Variants in SPIDR observed in about 807,000 individuals in gnomAD.
SPIDR encodes DNA repair-scaffolding protein.
A neutral mutation model predicts 104.6 loss-of-function variants in SPIDR; 93 were observed. That is an observed-to-expected ratio of 0.89 (90% CI 0.75 to 1.06). SPIDR has a LOEUF of 1.06. Among genes scored for constraint, SPIDR ranks in the 50% least tolerant of loss-of-function variants. The pLI, the probability that SPIDR is intolerant of heterozygous loss-of-function variation, is 0.00. For synonymous variants in SPIDR, 431 were observed against 416.9 expected (o/e 1.03, Z -0.41); for missense variants, 1,154 against 1,111.2 (o/e 1.04, Z -0.55).
chr8:47,599,150 G>C lies in SPIDR; in HGVS notation c.1498G>C (p.Gly500Arg). ...TCTTCCCAGCAGAGACAGCACCAGG[G>C]GTCAGCAGGGGGCCAGCTCAGGACA... ...YSLPSRDSTR[G>R]QQGASSGHTD... Residue 500 changes from glycine to arginine, a missense_variant, in exon 10 of 20, where the codon GGT becomes CGT. Physicochemically the swap from Gly to Arg is moderately radical, Grantham distance 125 (BLOSUM62 -2). Transcript: ENST00000297423. 6.2e-7 allele frequency: 1 copy of C among 1,613,754 alleles called. No homozygotes were observed. Among genetic ancestry groups the C allele is most frequent in the Non-Finnish European group, 8.5e-7 (1 of 1,179,920 alleles).
At chr8:47,437,757 G>A (rs2068635839) in intron 7 of SPIDR, among the ~76,000 whole-genome samples, 1 of 152,050 alleles carries the variant, frequency 6.6e-6, no homozygotes, top group Non-Finnish European at 1.5e-5. Context: ...TGGAGAGGAT[G>A]TGGAGAAATA....
At chr8:47,672,774 TTG>T in intron 10 of SPIDR, among the ~76,000 whole-genome samples, 1 of 152,348 alleles carries the variant, frequency 6.6e-6, no homozygotes, top group East Asian at 1.9e-4. Flanking sequence ...GTTTGTTTCT[TTG>T]TGTTTGATTT....
Position 47,436,166 on chromosome 8 carries a change from G to A in SPIDR, c.878-4157G>A, listed in dbSNP as rs1389848475. On this transcript the variant is annotated intron_variant, in intron 7 of 19. Transcript: ENST00000297423. ...TGCACCTGTGATTGTAGTGCTCTTG[G>A]GGTAGCCGCTACTGTGTCCATTTAA... Among the ~76,000 whole-genome samples, 5 of 152,134 alleles carry A rather than the reference G, an allele frequency of 3.3e-5. No homozygotes were observed. In the East Asian group the frequency reaches 9.6e-4, roughly 29 times the overall value.
At chr8:47,582,149 A>G (rs538337178) in intron 8 of SPIDR, among the ~76,000 whole-genome samples, 15 of 151,626 alleles carry the variant, frequency 9.9e-5, no homozygotes, top group African/African-American at 3.1e-4. Flanking sequence ...CCTGGGAGGC[A>G]TAGGTTGCGG....
chr8:47,519,174 C>G (rs945252026), intron 8 of SPIDR, among the ~76,000 whole-genome samples: 2 of 151,042 alleles, frequency 1.3e-5, no homozygotes, highest in African/African-American at 4.9e-5. Context: ...GACAGAGTTT[C>G]GCTCTTGTTG....
At chr8:47,559,305 T>C (rs2056771319) in intron 8 of SPIDR, among the ~76,000 whole-genome samples, 1 of 152,232 alleles carries the variant, frequency 6.6e-6, no homozygotes, top group Non-Finnish European at 1.5e-5. Flanking sequence ...CATTTAACCA[T>C]CCATAAGTAT....
At chr8:47,522,172 CAAA>C (rs781613495) in intron 8 of SPIDR, among the ~76,000 whole-genome samples, 3 of 65,604 alleles carry the variant, frequency 4.6e-5, no homozygotes, top group Non-Finnish European at 3.0e-5. Flanking sequence ...GAGTCTGTCT[CAAA>C]AAAAAAAAAA....
Position 47,396,644 on chromosome 8 carries a change from TA to T in SPIDR, c.776+21del. ...CTTTTAAGGTTAAATTATACCCTTTTAAATACTCTTTTTAAATTTTTCTCTT... is the reference window on the plus strand; with the variant it reads ...CTTTTAAGGTTAAATTATACCCTTTTAATACTCTTTTTAAATTTTTCTCTT... On this transcript the variant is annotated intron_variant, in intron 6 of 19. Coordinates refer to ENST00000297423, the MANE Select transcript of SPIDR (RefSeq NM_001080394.4). 6.4e-7 allele frequency: 1 copy of T among 1,561,792 alleles called. No homozygotes were observed. The highest frequency in any genetic ancestry group is 8.6e-7 in the Non-Finnish European group (1 of 1,158,954).
intron 6 of SPIDR, among the ~76,000 whole-genome samples, chr8:47,402,757 C>T (rs782276661): frequency 6.6e-6 from 1 of 152,128 alleles, no homozygotes; most frequent in African/African-American, 2.4e-5. Flanking sequence ...GATTCACAGC[C>T]GAATTCTACC....
intron 5 of SPIDR, among the ~76,000 whole-genome samples, chr8:47,355,270 G>A (rs1284122922): frequency 1.7e-5 from 1 of 59,772 alleles, no homozygotes; most frequent in Non-Finnish European, 3.2e-5. Flanking sequence ...AAGGTTTTTT[G>A]TAAAAAAAAA....
rs1425260360 is a variant in SPIDR at position 47,389,792 on chromosome 8, G to T, written c.526-6584G>T. Among the ~76,000 whole-genome samples, 14 of 151,926 alleles carry T rather than the reference G, an allele frequency of 9.2e-5. 1 individual carries two copies. The highest frequency in any genetic ancestry group is 3.1e-4 in the African/African-American group (13 of 41,282). ...TAGGCAACCTATCAGGAATAACTGT[G>T]GTTAAGAAATGTGGTTGATGTTTTT... On this transcript the variant is annotated intron_variant, in intron 5 of 19. Transcript: ENST00000297423.
chr8:47,285,829 G>A (rs370263013), intron 3 of SPIDR, among the ~76,000 whole-genome samples: 20 of 151,362 alleles, frequency 1.3e-4, no homozygotes, highest in African/African-American at 4.4e-4. Flanking sequence ...GAATTTTGGT[G>A]GGGGGGGACA....
chr8:47,420,063 G>A (rs567146212), intron 7 of SPIDR, among the ~76,000 whole-genome samples: 75 of 152,228 alleles, frequency 4.9e-4, no homozygotes, highest in African/African-American at 1.7e-3. Flanking sequence ...AATAGGTGTG[G>A]TGTGGTGCTG....
rs138228476 is a variant in SPIDR, at chr8:47,582,893, GAC to G, written c.1098-12903_1098-12902del. Among the ~76,000 whole-genome samples the G allele has an allele frequency of 4.6e-3, 653 of 141,958 alleles. 5 individuals are homozygous for G. The highest frequency in any genetic ancestry group is 0.015 in the African/African-American group (585 of 38,816). 93.1% of individuals were successfully genotyped at this position (141,958 alleles called of 152,430 possible). On this transcript the variant is annotated intron_variant, in intron 8 of 19. Transcript: ENST00000297423. ...ACATATTTTTAAAAGCTTTCCACCA[GAC>G]ACACACACACACACGTATATTTTTA...
At chr8:47,411,321 G>C (rs1294426347) in intron 7 of SPIDR, among the ~76,000 whole-genome samples, 1 of 152,166 alleles carries the variant, frequency 6.6e-6, no homozygotes, top group Non-Finnish European at 1.5e-5. Context: ...TCCAGCACCC[G>C]TTGTTTCCTG....
chr8:47,575,923 G>A (rs2059061061), intron 8 of SPIDR, among the ~76,000 whole-genome samples: 1 of 149,794 alleles, frequency 6.7e-6, no homozygotes. Context: ...TCGCGCCACT[G>A]CTTTCCAGCC....
At chr8:47,440,685 T>C in intron 8 of SPIDR, 143 bp downstream of exon 8, 1 of 754,958 alleles carries the variant, frequency 1.3e-6, no homozygotes, top group Non-Finnish European at 2.1e-6. Context: ...GGGTTTTCTG[T>C]CAGAGAAGCA....
intron 5 of SPIDR, among the ~76,000 whole-genome samples, chr8:47,355,009 G>C (rs190760611): frequency 6.6e-6 from 1 of 151,960 alleles, no homozygotes; most frequent in Admixed American, 6.6e-5. Flanking sequence ...AGGCTGGAGT[G>C]CAGTGAAGCG....
intron 8 of SPIDR, chr8:47,592,186 T>A (rs2061105831): frequency 7.2e-7 from 1 of 1,386,264 alleles, no homozygotes; most frequent in Non-Finnish European, 1.0e-6. Context: ...ATGCTCTAGC[T>A]GTTTCTATGG....
Sources: allele counts gnomAD v4.1 joint callset (sites outside exome capture counted in the v4.1 genomes callset), GRCh38; gene constraint gnomAD v4.1.1; transcripts MANE v1.5; gene names NCBI Gene and HGNC (gene_info 2026-07-23, HGNC 2026-07-21).